The following SNN variants were observed in gnomAD, a reference collection of about 807,000 sequenced individuals.
The protein encoded by SNN is AG8_1.
A neutral mutation model predicts 5.3 loss-of-function variants in SNN; 5 were observed. That is an observed-to-expected ratio of 0.94 (90% CI 0.49 to 1.97). The LOEUF (loss-of-function observed/expected upper bound fraction) is 1.97. Ranked by LOEUF, SNN falls within the 30% of genes most tolerant of loss-of-function variation. SNN has a pLI of 0.01. For synonymous variants in SNN, 67 were observed against 52.1 expected (o/e 1.29, Z -1.24); for missense variants, 127 against 121.6 (o/e 1.04, Z -0.21).
In SNN at chr16:11,676,764, G is replaced by C. The variant is rs2050307278; in HGVS notation, c.*438G>C. ...ATTCTGGCTGTACTAATGACAAGCT[G>C]AGTCAAGACCCTGGAGGGTCATAGG... On this transcript the variant is annotated 3_prime_UTR_variant, in exon 2 of 2. Transcript: ENST00000329565. 5.4e-6 allele frequency: 1 copy of C among 186,318 alleles called. No individual in the cohort carries two copies. The highest frequency in any genetic ancestry group is 5.5e-5 in the Admixed American group (1 of 18,156). 11.5% of individuals were successfully genotyped at this position (186,318 alleles called of 1,614,324 possible).
Position 11,676,579 on chromosome 16 carries a change from C to A in SNN, c.*253C>A. 3.9e-6 allele frequency: 2 copies of A among 515,214 alleles called. No individual in the cohort carries two copies. The highest frequency in any genetic ancestry group is 7.2e-6 in the Non-Finnish European group (2 of 278,840). The allele number at this position is 515,214 out of a possible 1,614,324, so 31.9% of individuals were successfully genotyped here. ...TGCTGGGGCTCATGGCCCTGTAGCGCTTTTGTTACTTGAATGTCTAGCTGA... is the reference window on the plus strand; with the variant it reads ...TGCTGGGGCTCATGGCCCTGTAGCGATTTTGTTACTTGAATGTCTAGCTGA... On this transcript the variant is annotated 3_prime_UTR_variant, in exon 2 of 2. Transcript: ENST00000329565.
At position 11,672,589 on chromosome 16, in the gene SNN, G is replaced by A. The variant is rs1372597198; in HGVS notation, c.-85-3386G>A. Among the ~76,000 whole-genome samples the A allele has an allele frequency of 1.3e-5, 2 of 152,174 alleles. No individual in the cohort carries two copies. Among genetic ancestry groups the A allele is most frequent in the African/African-American group, 2.4e-5 (1 of 41,426 alleles). Reference sequence around the variant, plus strand: ...ACGCCATCACATTTTTGCAAAGATCGTTTCTCAGGAAACATTTGCTGAGTG... The same window carrying A: ...ACGCCATCACATTTTTGCAAAGATCATTTCTCAGGAAACATTTGCTGAGTG... On this transcript the variant is annotated intron_variant, in intron 1 of 1. Transcript: ENST00000329565. This position sits in a 1 kb window ranked among gnomAD's most constrained non-coding sequence, Gnocchi z 6.0.
chr16:11,676,301 C>G lies in SNN; in HGVS notation c.242C>G (p.Pro81Arg). 6.2e-7 allele frequency: 1 copy of G among 1,613,926 alleles called. No individual in the cohort carries two copies. The highest frequency in any genetic ancestry group is 8.5e-7 in the Non-Finnish European group (1 of 1,179,826). ...CVERKAKLMT[P>R]NGPEVHG ...GAGAGAAAGGCCAAGCTGATGACTC[C>G]CAACGGCCCGGAAGTCCACGGCTGA... The change falls in exon 2 of 2, where the codon CCC (proline) becomes CGC (arginine). Residue 81 changes from proline (P) to arginine (R), a missense_variant. Transcript: ENST00000329565.
intron 1 of SNN, among the ~76,000 whole-genome samples, chr16:11,674,880 A>C (rs2050288324): frequency 6.6e-6 from 1 of 152,184 alleles, no homozygotes; most frequent in African/African-American, 2.4e-5. Context: ...AGTGACCGGC[A>C]TTTGGGGTAC....
chr16:11,675,786 G>C (rs8191326), intron 1 of SNN, among the ~76,000 whole-genome samples, 189 bp from the exon 2 acceptor site: 1 of 152,200 alleles, frequency 6.6e-6, no homozygotes, highest in Admixed American at 6.5e-5. Flanking sequence ...CACCTGCCTG[G>C]TACAGCAGCA....
At position 11,678,352 on chromosome 16, in the gene SNN, T is replaced by C. The variant is rs1455966081; in HGVS notation, c.*2026T>C. On this transcript the variant is annotated 3_prime_UTR_variant, in exon 2 of 2. Transcript: ENST00000329565. ...ACTTCCAGGCTTTCTACCTCGACTC[T>C]CACCACAGCCAGCACATACACCTAG... The C allele has an allele frequency of 1.2e-5, 2 of 167,106 alleles. No individual in the cohort carries two copies. Among genetic ancestry groups the C allele is most frequent in the African/African-American group, 4.8e-5 (2 of 41,412 alleles). The allele number at this position is 167,106 out of a possible 1,614,324, so 10.4% of individuals were successfully genotyped here. A position where few individuals can be genotyped will look rare whatever the true frequency, so the allele number is the denominator to read the frequency against.
chr16:11,675,699 T>C (rs2050297444), intron 1 of SNN, among the ~76,000 whole-genome samples: 1 of 152,224 alleles, frequency 6.6e-6, no homozygotes, highest in Non-Finnish European at 1.5e-5. Context: ...ACCAGAACCA[T>C]GTCTGGCCCT....
chr16:11,676,402 C>T lies in SNN; in HGVS notation c.*76C>T. 1.3e-6 allele frequency: 2 copies of T among 1,492,564 alleles called. No individual in the cohort carries two copies. The highest frequency in any genetic ancestry group is 2.4e-5 in the East Asian group (1 of 41,514). The allele number at this position is 1,492,564 out of a possible 1,614,324, so 92.5% of individuals were successfully genotyped here. A position where few individuals can be genotyped will look rare whatever the true frequency, so the allele number is the denominator to read the frequency against. ...GGAGGGGCAAAACCATACGGATGCG[C>T]TGCTGTCTGAGAGGAAGGGCTGACA... is the stretch of plus-strand genomic sequence containing the variant. On this transcript the variant is annotated 3_prime_UTR_variant, in exon 2 of 2. Coordinates refer to ENST00000329565, the MANE Select transcript of SNN (RefSeq NM_003498.6).
rs1191619027 is a variant in SNN, at chr16:11,677,904, C to T, written c.*1578C>T. 1 of 167,164 alleles carries T rather than the reference C, an allele frequency of 6.0e-6. No homozygotes were observed. Among genetic ancestry groups the T allele is most frequent in the East Asian group, 1.9e-4 (1 of 5,204 alleles). 10.4% of individuals were successfully genotyped at this position (167,164 alleles called of 1,614,324 possible). A position where few individuals can be genotyped will look rare whatever the true frequency, so the allele number is the denominator to read the frequency against. On this transcript the variant is annotated 3_prime_UTR_variant, in exon 2 of 2. Transcript: ENST00000329565. This position sits in a 1 kb window ranked among gnomAD's most constrained non-coding sequence, Gnocchi z 4.2. ...CTAAAAACCATGTTGAATGAATCCA[C>T]GTTCTGGAACCCCGAGGCGGGAGAA...
intron 1 of SNN, among the ~76,000 whole-genome samples, chr16:11,675,252 T>C (rs1052907311): frequency 1.3e-5 from 2 of 149,004 alleles, no homozygotes; most frequent in Non-Finnish European, 3.0e-5. Context: ...TTTTTCTTTT[T>C]TTTTTCTTTT....
chr16:11,670,020 G>A (rs2050257202), intron 1 of SNN, among the ~76,000 whole-genome samples: 1 of 152,250 alleles, frequency 6.6e-6, no homozygotes, highest in Non-Finnish European at 1.5e-5. Context: ...GGGGCCTTGT[G>A]TGATGCGTCC....
intron 1 of SNN, among the ~76,000 whole-genome samples, chr16:11,675,426 C>T (rs1567280150): frequency 6.6e-6 from 1 of 151,968 alleles, no homozygotes; most frequent in Non-Finnish European, 1.5e-5. Context: ...TGCCACCATG[C>T]CCAGCTAATT....
intron 1 of SNN, among the ~76,000 whole-genome samples, chr16:11,675,258 C>CTTTTTTTTT (rs769141223): frequency 8.8e-5 from 11 of 125,308 alleles, no homozygotes; most frequent in East Asian, 2.3e-4. Flanking sequence ...TTTTTTTTTT[C>CTTTTTTTTT]TTTTTTTTTT....
At chr16:11,675,506 A>T (rs926069037) in intron 1 of SNN, among the ~76,000 whole-genome samples, 20 of 152,096 alleles carry the variant, frequency 1.3e-4, no homozygotes, top group Non-Finnish European at 1.3e-4. Flanking sequence ...GGCTCAAGTG[A>T]TCTGCCGGCC....
chr16:11,676,269 G>T lies in SNN; in HGVS notation c.210G>T (p.Pro70=). Residue 70 remains proline (P), a synonymous_variant, in exon 2 of 2, where the codon CCG becomes CCT. Transcript: ENST00000329565. The part of the protein sequence containing the change: ...FLLVQYSAKG[P]CVERKAKLMT... The stretch of plus-strand genomic sequence containing the variant: ...TGGTGCAGTATTCGGCCAAGGGACC[G>T]TGCGTGGAGAGAAAGGCCAAGCTGA... The T allele has an allele frequency of 1.2e-6, 2 of 1,614,222 alleles. No homozygotes were observed. Among genetic ancestry groups the T allele is most frequent in the Non-Finnish European group, 1.7e-6 (2 of 1,180,032 alleles).
At chr16:11,669,640 A>G (rs2050253804) in intron 1 of SNN, among the ~76,000 whole-genome samples, 1 of 152,258 alleles carries the variant, frequency 6.6e-6, no homozygotes, top group Non-Finnish European at 1.5e-5. Flanking sequence ...TGTCTGGCAC[A>G]TATAATTGCC....
Position 11,676,154 on chromosome 16 carries a change from G to A in SNN, c.95G>A (p.Cys32Tyr), listed in dbSNP as rs1370337911. Residue 32 changes from cysteine to tyrosine, a missense_variant, in exon 2 of 2, where the codon TGC (cysteine) becomes TAC (tyrosine). Transcript: ENST00000329565. ...GCCCTGGGGGCCTTGATCCTGGGCT[G>A]CTGGTGCTACCTGCGGCTGCAGCGC... ...IAALGALILG[C>Y]WCYLRLQRIS... 6.2e-7 allele frequency: 1 copy of A among 1,614,116 alleles called. No homozygotes were observed. The highest frequency in any genetic ancestry group is 1.3e-5 in the African/African-American group (1 of 74,944).
intron 1 of SNN, among the ~76,000 whole-genome samples, chr16:11,673,919 G>A (rs1439872975): frequency 1.3e-5 from 2 of 152,246 alleles, no homozygotes; most frequent in Admixed American, 1.3e-4. Flanking sequence ...CAGGGGGAAG[G>A]CAGTGGAATG....
chr16:11,676,334 T>C lies in SNN; in HGVS notation c.*8T>C. On this transcript the variant is annotated 3_prime_UTR_variant, in exon 2 of 2. Coordinates refer to ENST00000329565, the MANE Select transcript of SNN (RefSeq NM_003498.6). ...CCGGAAGTCCACGGCTGAGCCAGGA[T>C]GCAAGGCTCCTGGTCCTGTTTGCAG... 1 of 1,608,972 alleles carries C rather than the reference T, an allele frequency of 6.2e-7. No homozygotes were observed. The highest frequency in any genetic ancestry group is 1.3e-5 in the African/African-American group (1 of 74,976).
Sources: allele counts gnomAD v4.1 joint callset (sites outside exome capture counted in the v4.1 genomes callset), GRCh38; gene constraint gnomAD v4.1.1; non-coding constraint Gnocchi (gnomAD v3.1); transcripts MANE v1.5; gene names NCBI Gene and HGNC (gene_info 2026-07-23, HGNC 2026-07-21).